The following FAM120A variants were observed in gnomAD, a reference collection of about 807,000 sequenced individuals.
FAM120A encodes constitutive coactivator of PPAR-gamma-like protein 1.
In FAM120A, 15 loss-of-function variants were observed where a neutral mutation model predicts 109.7. The observed-to-expected ratio is 0.14, with a 90% CI of 0.09 to 0.21. The LOEUF (loss-of-function observed/expected upper bound fraction) is 0.21, where lower values mean the gene tolerates loss of function less well. FAM120A is among the 10% of genes least tolerant of loss of function. The pLI, the probability that FAM120A is intolerant of heterozygous loss-of-function variation, is 1.00. For missense variants in FAM120A, 899 were observed against 1,439.3 expected (o/e 0.62, Z 6.07); for synonymous variants, 493 against 572.8 (o/e 0.86, Z 1.99).
In FAM120A at chr9:93,558,566, C is replaced by T. The variant is rs1274749122; in HGVS notation, c.2669-15C>T. On this transcript the variant is annotated splice_polypyrimidine_tract_variant and intron_variant, in intron 14 of 17. Coordinates refer to ENST00000277165, the MANE Select transcript of FAM120A (RefSeq NM_014612.5). Reference sequence around the variant, plus strand: ...CTTACACTTCTCCCCTCTCTCTCTACCCCGGGTCCCACAGGCGTCTGTGGC... The same window carrying T: ...CTTACACTTCTCCCCTCTCTCTCTATCCCGGGTCCCACAGGCGTCTGTGGC... The T allele has an allele frequency of 1.2e-6, 2 of 1,613,678 alleles. No homozygotes were observed. The highest frequency in any genetic ancestry group is 2.7e-5 in the African/African-American group (2 of 74,944).
At chr9:93,491,229 T>TGGA (rs1416477444) in intron 3 of FAM120A, among the ~76,000 whole-genome samples, 1 of 152,128 alleles carries the variant, frequency 6.6e-6, no homozygotes, top group African/African-American at 2.4e-5. Context: ...TGCAGCCTCT[T>TGGA]GGAGGTTTTT....
chr9:93,473,727 G>A (rs1472563042), intron 2 of FAM120A, among the ~76,000 whole-genome samples: 3 of 152,230 alleles, frequency 2.0e-5, no homozygotes, highest in African/African-American at 7.2e-5. Flanking sequence ...CAAATACAGT[G>A]CTTAGTAAGG....
In FAM120A at chr9:93,564,290, G is replaced by C. The variant is rs376801940; in HGVS notation, c.3107G>C (p.Gly1036Ala). ...GCCAAAGAACTTAAGTCAAAATCTG[G>C]GGAATCGAAGTCCTCTGCTATGTCT... ...EVAKELKSKS[G>A]ESKSSAMSSD... The change falls in exon 18 of 18, where the codon GGG becomes GCG. Residue 1036 changes from glycine to alanine, a missense_variant. By Grantham distance (60) the Gly-to-Ala change is moderately conservative. Around this residue, in one of 11 missense-constraint regions of FAM120A, gnomAD observed 170 missense variants for 205.0 expected, o/e 0.83. Coordinates refer to ENST00000277165, the MANE Select transcript of FAM120A (RefSeq NM_014612.5). 6.2e-7 allele frequency: 1 copy of C among 1,614,092 alleles called. No individual in the cohort carries two copies. Among genetic ancestry groups the C allele is most frequent in the Admixed American group, 1.7e-5 (1 of 60,026 alleles).
In FAM120A at chr9:93,529,343, T is replaced by G; in HGVS notation, c.1507-10T>G. ...ACTCGTTTTCCTCCCTTCTGCTCTC[T>G]GCACTGTAGGCAGAAGGCTCGTCCA... On this transcript the variant is annotated splice_polypyrimidine_tract_variant and intron_variant, in intron 8 of 17. Transcript: ENST00000277165. 6.3e-7 allele frequency: 1 copy of G among 1,591,466 alleles called. No individual in the cohort carries two copies. The highest frequency in any genetic ancestry group is 8.6e-7 in the Non-Finnish European group (1 of 1,169,470).
At chr9:93,472,868 T>C (rs1328376148) in intron 2 of FAM120A, among the ~76,000 whole-genome samples, 1 of 152,186 alleles carries the variant, frequency 6.6e-6, no homozygotes, top group African/African-American at 2.4e-5. Flanking sequence ...AGTCAATAAG[T>C]TGTAGGATGT....
Position 93,452,203 on chromosome 9 carries a change from C to T in FAM120A, c.288C>T (p.Phe96=), listed in dbSNP as rs1857268226. The part of the protein sequence containing the change: ...FGGNIELFVF[F]NGALEKARLH... ...GCAACATCGAGCTCTTCGTCTTCTT[C>T]AACGGCGCGCTCGAGAAGGCCCGGC... is the stretch of plus-strand genomic sequence containing the variant. Residue 96 remains phenylalanine, a synonymous_variant, in exon 1 of 18, where the codon TTC becomes TTT. Transcript: ENST00000277165. The surrounding 1 kb of genome is among the most constrained non-coding windows in gnomAD (Gnocchi z 7.0). 5 of 1,611,610 alleles carry T rather than the reference C, an allele frequency of 3.1e-6. No individual in the cohort carries two copies. Among genetic ancestry groups the T allele is most frequent in the Non-Finnish European group, 4.2e-6 (5 of 1,179,712 alleles).
chr9:93,455,572 A>G (rs1420725712), intron 1 of FAM120A, among the ~76,000 whole-genome samples: 2 of 152,218 alleles, frequency 1.3e-5, no homozygotes, highest in Non-Finnish European at 2.9e-5. Context: ...AGTAAATGAG[A>G]CATTTATAAA....
intron 1 of FAM120A, among the ~76,000 whole-genome samples, chr9:93,459,318 A>T (rs1321561744): frequency 6.6e-6 from 1 of 152,246 alleles, no homozygotes; most frequent in East Asian, 1.9e-4. Flanking sequence ...ATAGGCACTC[A>T]ACTCTAATCA....
Position 93,541,051 on chromosome 9 carries a change from G to T in FAM120A, c.1910-2171G>T, listed in dbSNP as rs1171424127. Among the ~76,000 whole-genome samples the T allele has an allele frequency of 6.1e-5, 9 of 147,000 alleles. No homozygotes were observed. In the Admixed American group the frequency reaches 6.2e-4, roughly 10 times the overall value. ...TGCTCTGTGTGTGGGGTATGTTTCA[G>T]TGTGTGTATTGTGGTATGTGTGTGG... is the stretch of plus-strand genomic sequence containing the variant. On this transcript the variant is annotated intron_variant, in intron 10 of 17. Transcript: ENST00000277165.
At position 93,548,552 on chromosome 9, in the gene FAM120A, C is replaced by T. The variant is rs568673754; in HGVS notation, c.2160-2025C>T. On this transcript the variant is annotated intron_variant, in intron 11 of 17. Transcript: ENST00000277165. The stretch of plus-strand genomic sequence containing the variant: ...ATGTGCTTAATGCCACTGAACTGTA[C>T]ACTTAAAAATGGCTTAAATGGTAAA... 2.6e-5 allele frequency among the ~76,000 whole-genome samples: 4 copies of T among 152,174 alleles called. No homozygotes were observed. The South Asian group carries it at 8.3e-4, about 32-fold the overall frequency.
chr9:93,556,284 G>C, intron 12 of FAM120A, 98 bp from the exon 13 acceptor site: 2 of 980,072 alleles, frequency 2.0e-6, no homozygotes, highest in Non-Finnish European at 3.2e-6. Context: ...TTTTGTTGAG[G>C]AATATTCTGT....
intron 1 of FAM120A, chr9:93,453,658 C>T (rs926101767): frequency 4.4e-5 from 43 of 983,878 alleles, no homozygotes; most frequent in African/African-American, 2.3e-4. Flanking sequence ...TGGAGGCGGC[C>T]GGCAGAGTCC....
chr9:93,453,650 G>C (rs1418406839), intron 1 of FAM120A: 1 of 985,168 alleles, frequency 1.0e-6, no homozygotes, highest in Admixed American at 6.1e-5. Context: ...GTCGTGGGTG[G>C]AGGCGGCCGG....
chr9:93,490,336 A>T (rs1859259374), intron 3 of FAM120A, among the ~76,000 whole-genome samples: 1 of 152,222 alleles, frequency 6.6e-6, no homozygotes, highest in Admixed American at 6.5e-5. Flanking sequence ...TCATTTAATC[A>T]TTGTTTTGTA....
chr9:93,488,207 C>T (rs989087948), intron 3 of FAM120A, among the ~76,000 whole-genome samples: 1 of 152,140 alleles, frequency 6.6e-6, no homozygotes, highest in African/African-American at 2.4e-5. Flanking sequence ...ACAGATCTGC[C>T]CCATGTTCTT....
intron 12 of FAM120A, among the ~76,000 whole-genome samples, chr9:93,553,539 CAG>C (rs1369284670): frequency 4.6e-5 from 7 of 152,286 alleles, no homozygotes; most frequent in Admixed American, 1.3e-4. Context: ...GCTAATCGGT[CAG>C]AGAGATTAAC....
intron 2 of FAM120A, 67 bp from the exon 3 acceptor site, chr9:93,476,189 C>A: frequency 1.9e-6 from 2 of 1,048,534 alleles, no homozygotes; most frequent in South Asian, 1.3e-5. Flanking sequence ...CAATATGCAG[C>A]ACTTTTGAAA....
chr9:93,530,594 CTTTAA>C (rs1564347908), intron 9 of FAM120A: 1 of 152,096 alleles, frequency 6.6e-6, no homozygotes. Context: ...TGCTCAGATC[CTTTAA>C]TTTATTTTTT....
At chr9:93,527,709 G>A (rs1861150281) in intron 8 of FAM120A, among the ~76,000 whole-genome samples, 1 of 128,308 alleles carries the variant, frequency 7.8e-6, no homozygotes, top group African/African-American at 2.9e-5. Flanking sequence ...TGAAACCTCT[G>A]CCCCCTGGGT....
Sources: allele counts gnomAD v4.1 joint callset (sites outside exome capture counted in the v4.1 genomes callset), GRCh38; gene constraint gnomAD v4.1.1; regional missense constraint gnomAD v4.1.1; non-coding constraint Gnocchi (gnomAD v3.1); transcripts MANE v1.5; gene names NCBI Gene and HGNC (gene_info 2026-07-23, HGNC 2026-07-21).